Variants in ZP3 observed in about 807,000 individuals in gnomAD.
ZP3 encodes zona pellucida sperm-binding protein 3.
Under a neutral mutation model 35.6 loss-of-function variants are expected in ZP3, and 21 were observed. That is an observed-to-expected ratio of 0.59 (90% CI 0.42 to 0.85). ZP3 has a LOEUF of 0.85. Ranked by LOEUF, ZP3 falls within the 40% of genes least tolerant of loss-of-function variation. The pLI, the probability that ZP3 is intolerant of heterozygous loss-of-function variation, is 0.00. For synonymous variants in ZP3, 207 were observed against 214.5 expected (o/e 0.96, Z 0.31); for missense variants, 437 against 536.5 (o/e 0.81, Z 1.83).
intron 2 of ZP3, among the ~76,000 whole-genome samples, chr7:76,432,509 T>G (rs1299794587): frequency 6.6e-6 from 1 of 151,722 alleles, no homozygotes; most frequent in Non-Finnish European, 1.5e-5. Context: ...AGAGATAGAG[T>G]CTTGCTATGT....
intron 5 of ZP3, among the ~76,000 whole-genome samples, chr7:76,435,642 C>T (rs1201154053): frequency 3.3e-5 from 5 of 152,200 alleles, no homozygotes; most frequent in Non-Finnish European, 7.3e-5. Context: ...CATGGTGTCA[C>T]ATTTTGTAAC....
chr7:76,415,594 C>T (rs1347118212), intron 1 of ZP3, among the ~76,000 whole-genome samples: 2 of 150,528 alleles, frequency 1.3e-5, no homozygotes, highest in African/African-American at 2.4e-5. Context: ...CCCAGGTTCA[C>T]GCCATTCTCC....
chr7:76,424,834 A>G, upstream of ZP3: 1 of 807,490 alleles, frequency 1.2e-6, no homozygotes, highest in East Asian at 2.7e-5. Flanking sequence ...GATGGAGACC[A>G]CTTTATGCAA....
intron 1 of ZP3, 124 bp downstream of exon 1, chr7:76,425,400 G>A: frequency 9.1e-7 from 1 of 1,099,264 alleles, no homozygotes; most frequent in Non-Finnish European, 1.3e-6. Flanking sequence ...AGGTGGGGAG[G>A]TGGCCCAGTT....
chr7:76,433,677 C>G (rs1248638455), intron 4 of ZP3, 30 bp downstream of exon 4: 1 of 1,568,074 alleles, frequency 6.4e-7, no homozygotes, highest in Non-Finnish European at 8.7e-7. Flanking sequence ...CCTAGAGAAC[C>G]TTCCTAGCAA....
intron 1 of ZP3, among the ~76,000 whole-genome samples, chr7:76,403,693 G>A (rs1021236056): frequency 2.7e-5 from 4 of 149,948 alleles, no homozygotes; most frequent in African/African-American, 4.9e-5. Flanking sequence ...ACAGAGTCTC[G>A]CTCTGTCACC....
intron 5 of ZP3, among the ~76,000 whole-genome samples, chr7:76,439,142 A>C (rs1366600526): frequency 1.4e-5 from 2 of 141,104 alleles, no homozygotes; most frequent in Non-Finnish European, 1.5e-5. Context: ...AAAAAAAAAA[A>C]AAAAAAAAAC....
At chr7:76,438,511 C>T (rs1806093181) in intron 5 of ZP3, among the ~76,000 whole-genome samples, 1 of 139,348 alleles carries the variant, frequency 7.2e-6, no homozygotes, top group Non-Finnish European at 1.5e-5. Context: ...TGTACTCCAG[C>T]CTGGACTAGA....
intron 1 of ZP3, among the ~76,000 whole-genome samples, chr7:76,401,769 T>G (rs1038242909): frequency 3.3e-5 from 5 of 152,176 alleles, no homozygotes; most frequent in Non-Finnish European, 5.9e-5. Context: ...GAAGCCATCC[T>G]GGAGCCCTCA....
In ZP3 at chr7:76,441,894, G is replaced by T. The variant is rs200481427; in HGVS notation, c.1113G>T (p.Arg371Ser). The change falls in exon 8 of 8, where the codon AGG becomes AGT. Residue 371 changes from arginine (R) to serine (S), a missense_variant. By Grantham distance (110) the Arg-to-Ser change is moderately radical. Coordinates refer to ENST00000394857, the MANE Select transcript of ZP3 (RefSeq NM_001110354.2). ...TVGPLIFLDR[R>S]GDHEVEQWAL... ...GGCCACTGATCTTCCTGGACAGGAG[G>T]GGTGACCATGAAGTAGAGCAGTGGG... 2,109 of 1,609,854 alleles carry T rather than the reference G, an allele frequency of 1.3e-3. 32 individuals are homozygous for T. The South Asian group carries it at 0.015, about 12-fold the overall frequency.
upstream of ZP3, among the ~76,000 whole-genome samples, chr7:76,423,079 G>GAAAC (rs1389213698): frequency 7.2e-6 from 1 of 138,508 alleles, no homozygotes; most frequent in African/African-American, 2.8e-5. Flanking sequence ...AAGAAAGAAA[G>GAAAC]AAAGAAAAGA....
rs370762507 is a variant in ZP3, at chr7:76,433,654, A to C, written c.713+7A>C. ...CCATCGTGGACTTCCATGGGTGAGC[A>C]CTGGGCTCCCTGCCTAGAGAACCTT... On this transcript the variant is annotated splice_region_variant and intron_variant, in intron 4 of 7. Coordinates refer to ENST00000394857, the MANE Select transcript of ZP3 (RefSeq NM_001110354.2). 3.6e-5 allele frequency: 57 copies of C among 1,590,320 alleles called. No homozygotes were observed. The African/African-American group carries it at 7.4e-4, about 21-fold the overall frequency.
At chr7:76,418,175 C>T (rs559382725) in intron 1 of ZP3, among the ~76,000 whole-genome samples, 44 of 152,064 alleles carry the variant, frequency 2.9e-4, no homozygotes, top group African/African-American at 9.6e-4. Context: ...GTGATCCACC[C>T]GCCTTGGCCT....
Position 76,424,981 on chromosome 7 carries a change from G to A in ZP3, c.17G>A (p.Arg6Lys), listed in dbSNP as rs983259485. The A allele has an allele frequency of 4.5e-6, 7 of 1,544,250 alleles. No individual in the cohort carries two copies. The highest frequency in any genetic ancestry group is 1.4e-5 in the African/African-American group (1 of 73,260). ...GCAGGTACCATGGAGCTGAGCTATAGGCTCTTCATCTGCCTCCTGCTCTGG... is the reference window on the plus strand; with the variant it reads ...GCAGGTACCATGGAGCTGAGCTATAAGCTCTTCATCTGCCTCCTGCTCTGG... MELSY[R>K]LFICLLLWGS... Residue 6 changes from arginine (R) to lysine (K), a missense_variant, in exon 1 of 8, where the codon AGG (arginine) becomes AAG (lysine). Physicochemically the swap from Arg to Lys is conservative, Grantham distance 26. Transcript: ENST00000394857.
At chr7:76,433,399 C>T in intron 3 of ZP3, 71 bp from the exon 4 acceptor site, 2 of 1,526,854 alleles carry the variant, frequency 1.3e-6, no homozygotes, top group Non-Finnish European at 1.8e-6. Flanking sequence ...AGGTGATCCA[C>T]CTGCCTCAGC....
intron 2 of ZP3, among the ~76,000 whole-genome samples, chr7:76,430,138 A>G (rs1805784666): frequency 6.6e-6 from 1 of 152,088 alleles, no homozygotes; most frequent in African/African-American, 2.4e-5. Context: ...TGAACCCAGG[A>G]GGCAGAGGCT....
At chr7:76,437,171 C>CT (rs869115807) in intron 5 of ZP3, among the ~76,000 whole-genome samples, 17,115 of 78,906 alleles carry the variant, frequency 0.22, 3,280 homozygotes, top group Middle Eastern at 0.28. Context: ...ACCCTGTGTA[C>CT]TTTTTTTTTT....
chr7:76,441,182 T>C lies in ZP3; in HGVS notation c.1060+571T>C, dbSNP rs1033517318. On this transcript the variant is annotated intron_variant, in intron 7 of 7. Coordinates refer to ENST00000394857, the MANE Select transcript of ZP3 (RefSeq NM_001110354.2). ...GTAAAACTGTCTCTCAAAAAAAAAA[T>C]AATAATCTGGCCAGAACAGTGGGTT... 2.0e-5 allele frequency among the ~76,000 whole-genome samples: 3 copies of C among 150,986 alleles called. No homozygotes were observed. The East Asian group carries it at 5.8e-4, about 29-fold the overall frequency.
At position 76,404,792 on chromosome 7, in the gene ZP3, G is replaced by A. The variant is rs373016264; in HGVS notation, c.-67+6995G>A. Among the ~76,000 whole-genome samples, 25 of 151,982 alleles carry A rather than the reference G, an allele frequency of 1.6e-4. No homozygotes were observed. In the East Asian group the frequency reaches 2.9e-3, roughly 18 times the overall value. On this transcript the variant is annotated intron_variant, in intron 1 of 8. Transcript: ENST00000336517. Reference sequence around the variant, plus strand: ...TACCAAAAAATGCAAAAATTAGGCCGGCTGCGGTGGCTCATGCCTGTAATC... The same window carrying A: ...TACCAAAAAATGCAAAAATTAGGCCAGCTGCGGTGGCTCATGCCTGTAATC...
Sources: allele counts gnomAD v4.1 joint callset (sites outside exome capture counted in the v4.1 genomes callset), GRCh38; gene constraint gnomAD v4.1.1; transcripts MANE v1.5; gene names NCBI Gene and HGNC (gene_info 2026-07-23, HGNC 2026-07-21).